Variants in SHISA6 observed in about 807,000 individuals in gnomAD.
SHISA6 encodes the protein shisa family member 6.
In SHISA6, 22 loss-of-function variants were observed where a neutral mutation model predicts 47.9. That is an observed-to-expected ratio of 0.46 (90% CI 0.33 to 0.66). SHISA6 has a LOEUF of 0.66. Among genes scored for constraint, SHISA6 ranks in the 30% least tolerant of loss-of-function variants. The pLI is 0.02. For synonymous variants in SHISA6, 388 were observed against 337.8 expected (o/e 1.15, Z -1.63); for missense variants, 680 against 764.6 (o/e 0.89, Z 1.30).
At chr17:11,365,056 G>GGATA (rs1912399179) in intron 2 of SHISA6, among the ~76,000 whole-genome samples, 1 of 152,074 alleles carries the variant, frequency 6.6e-6, no homozygotes, top group Non-Finnish European at 1.5e-5. Flanking sequence ...ATAATACAAA[G>GGATA]GATATTCTTG....
chr17:11,499,675 T>TTTTCTTTCTTTCTTTC (rs1166552535), intron 3 of SHISA6, among the ~76,000 whole-genome samples: 70 of 142,398 alleles, frequency 4.9e-4, no homozygotes, highest in African/African-American at 1.8e-3. Flanking sequence ...AATCTATTCT[T>TTTTCTTTCTTTCTTTC]TTTCTTTCTT....
chr17:11,513,735 C>T (rs182655874), intron 3 of SHISA6, among the ~76,000 whole-genome samples: 3 of 152,186 alleles, frequency 2.0e-5, no homozygotes, highest in African/African-American at 4.8e-5. Context: ...CTTCACAAGT[C>T]GAGCATTGGT....
intron 3 of SHISA6, among the ~76,000 whole-genome samples, chr17:11,550,311 T>C (rs1246860482): frequency 1.3e-5 from 2 of 152,174 alleles, no homozygotes; most frequent in African/African-American, 4.8e-5. Context: ...TGCCTTGGCC[T>C]CTCAAAGTGC....
intron 3 of SHISA6, among the ~76,000 whole-genome samples, chr17:11,467,430 T>C (rs1915836652): frequency 6.6e-6 from 1 of 152,216 alleles, no homozygotes; most frequent in Non-Finnish European, 1.5e-5. Flanking sequence ...GTATGACATA[T>C]GATGTCATAT....
At chr17:11,353,419 C>G (rs944716311) in intron 2 of SHISA6, among the ~76,000 whole-genome samples, 1 of 150,804 alleles carries the variant, frequency 6.6e-6, no homozygotes, top group East Asian at 2.0e-4. Context: ...ATCACGCCAC[C>G]GCACTCCAGC....
At chr17:11,310,687 C>T (rs1269607662) in intron 2 of SHISA6, among the ~76,000 whole-genome samples, 1 of 152,152 alleles carries the variant, frequency 6.6e-6, no homozygotes, top group Admixed American at 6.5e-5. Flanking sequence ...AAAAAGATCA[C>T]CTCTGGGCTG....
intron 3 of SHISA6, among the ~76,000 whole-genome samples, chr17:11,435,151 C>T (rs1200111035): frequency 2.0e-5 from 3 of 152,056 alleles, no homozygotes; most frequent in African/African-American, 7.2e-5. Flanking sequence ...CTCTCTCTCT[C>T]TCTTTTTTAA....
At chr17:11,256,661 CAAT>C (rs796690932) in intron 1 of SHISA6, among the ~76,000 whole-genome samples, 57 of 152,270 alleles carry the variant, frequency 3.7e-4, no homozygotes, top group African/African-American at 1.3e-3. Context: ...TCCCAGCTTC[CAAT>C]AATAATAGGT....
chr17:11,386,362 C>T (rs1005224312), intron 3 of SHISA6, among the ~76,000 whole-genome samples: 2 of 151,840 alleles, frequency 1.3e-5, no homozygotes, highest in South Asian at 2.1e-4. Context: ...GCAACAAGAG[C>T]GAAACTCCAT....
At chr17:11,444,429 T>C (rs1432282026) in intron 3 of SHISA6, among the ~76,000 whole-genome samples, 1 of 152,198 alleles carries the variant, frequency 6.6e-6, no homozygotes, top group Non-Finnish European at 1.5e-5. Flanking sequence ...CCACATTATA[T>C]GGCACATGTG....
chr17:11,280,437 G>A (rs545471551), intron 2 of SHISA6, among the ~76,000 whole-genome samples: 2 of 152,218 alleles, frequency 1.3e-5, no homozygotes, highest in Admixed American at 6.5e-5. Context: ...GCATGTAGGC[G>A]TCTGGCGAGA....
intron 4 of SHISA6, among the ~76,000 whole-genome samples, chr17:11,554,955 C>A (rs956526559): frequency 7.9e-5 from 12 of 152,234 alleles, no homozygotes; most frequent in African/African-American, 2.6e-4. Flanking sequence ...TCCTTCCATT[C>A]TTTTCCCCAG....
intron 2 of SHISA6, among the ~76,000 whole-genome samples, chr17:11,275,177 G>T (rs1190154398): frequency 6.6e-6 from 1 of 151,308 alleles, no homozygotes; most frequent in African/African-American, 2.4e-5. Flanking sequence ...TAAACATATG[G>T]ACTGTGTCCC....
At chr17:11,324,294 C>G (rs1910804170) in intron 2 of SHISA6, among the ~76,000 whole-genome samples, 1 of 152,186 alleles carries the variant, frequency 6.6e-6, no homozygotes, top group African/African-American at 2.4e-5. Context: ...CTTCCTTTCC[C>G]CCGTAACACA....
At chr17:11,517,241 G>C (rs977478928) in intron 3 of SHISA6, among the ~76,000 whole-genome samples, 11 of 152,130 alleles carry the variant, frequency 7.2e-5, no homozygotes, top group African/African-American at 2.7e-4. Flanking sequence ...CAGGCTGGAG[G>C]GGAAAGAGGT....
At chr17:11,507,694 A>G (rs1441287552) in intron 3 of SHISA6, among the ~76,000 whole-genome samples, 4 of 152,146 alleles carry the variant, frequency 2.6e-5, no homozygotes, top group Non-Finnish European at 5.9e-5. Context: ...GTGTAGTGCA[A>G]ATCTGCCTGC....
chr17:11,411,393 T>C (rs942404132), intron 3 of SHISA6, among the ~76,000 whole-genome samples: 1 of 151,948 alleles, frequency 6.6e-6, no homozygotes, highest in Non-Finnish European at 1.5e-5. Flanking sequence ...TTTTCCAAAA[T>C]CACTTTTTTG....
intron 3 of SHISA6, among the ~76,000 whole-genome samples, chr17:11,419,739 G>A (rs1914398499): frequency 6.6e-6 from 1 of 152,166 alleles, no homozygotes; most frequent in Non-Finnish European, 1.5e-5. Context: ...AATAATAGAA[G>A]TGACAATGAA....
intron 2 of SHISA6, among the ~76,000 whole-genome samples, chr17:11,374,845 A>C (rs1912743074): frequency 6.6e-6 from 1 of 151,856 alleles, no homozygotes; most frequent in South Asian, 2.1e-4. Flanking sequence ...CACATATATA[A>C]TTCATATTAT....
Sources: allele counts gnomAD v4.1 joint callset (sites outside exome capture counted in the v4.1 genomes callset), GRCh38; gene constraint gnomAD v4.1.1; transcripts MANE v1.5; gene names NCBI Gene and HGNC (gene_info 2026-07-23, HGNC 2026-07-21).